Variants in SHANK2 observed in about 807,000 individuals in gnomAD.
The protein encoded by SHANK2 is SH3 and multiple ankyrin repeat domains 2, also known as SH3 and multiple ankyrin repeat domains protein 2.
A neutral mutation model predicts 133.7 loss-of-function variants in SHANK2; 43 were observed. That is an observed-to-expected ratio of 0.32 (90% CI 0.25 to 0.41). The LOEUF (loss-of-function observed/expected upper bound fraction) is 0.41. Ranked by LOEUF, SHANK2 falls within the 10% of genes least tolerant of loss-of-function variation. The probability of loss-of-function intolerance (pLI) is 1.00; values close to 1 mark genes in which losing one functional copy is unlikely to be tolerated. For synonymous variants in SHANK2, 1,017 were observed against 952.8 expected (o/e 1.07, Z -1.24); for missense variants, 1,994 against 2,235.8 (o/e 0.89, Z 2.18).
At chr11:70,723,644 G>A (rs1946114616) in intron 14 of SHANK2, among the ~76,000 whole-genome samples, 1 of 152,116 alleles carries the variant, frequency 6.6e-6, no homozygotes, top group Non-Finnish European at 1.5e-5. Context: ...TGGAGCCACT[G>A]ATTTTATGGT....
chr11:70,625,378 G>T (rs2136481022), intron 17 of SHANK2, among the ~76,000 whole-genome samples: 1 of 152,214 alleles, frequency 6.6e-6, no homozygotes, highest in East Asian at 1.9e-4. Flanking sequence ...TAATCCTTCT[G>T]GTCTCCAGTT....
chr11:71,183,741 T>C (rs1953611382), intron 2 of SHANK2, among the ~76,000 whole-genome samples: 1 of 151,976 alleles, frequency 6.6e-6, no homozygotes. Context: ...CTGGGAAACT[T>C]CAGGGAGGGG....
intron 9 of SHANK2, among the ~76,000 whole-genome samples, chr11:71,061,742 G>A (rs1315927869): frequency 1.3e-5 from 2 of 152,282 alleles, no homozygotes; most frequent in African/African-American, 4.8e-5. Context: ...AGTTTCTGCA[G>A]GTGACCGGCA....
intron 25 of SHANK2, among the ~76,000 whole-genome samples, chr11:70,477,877 G>A (rs1489523792): frequency 6.6e-6 from 1 of 152,116 alleles, no homozygotes; most frequent in African/African-American, 2.4e-5. Context: ...GGATCTTCCC[G>A]GTTGCACAGA....
chr11:71,103,940 T>C (rs897456005), intron 6 of SHANK2, among the ~76,000 whole-genome samples: 26 of 146,808 alleles, frequency 1.8e-4, no homozygotes, highest in Admixed American at 1.1e-3. Context: ...TCTCTCTCTC[T>C]CCCTTGCTTT....
intron 10 of SHANK2, among the ~76,000 whole-genome samples, chr11:70,919,018 A>T (rs1950309661): frequency 6.6e-6 from 1 of 151,946 alleles, no homozygotes; most frequent in Non-Finnish European, 1.5e-5. Context: ...TTAAAAATGT[A>T]CCGGGTGTGG....
intron 11 of SHANK2, among the ~76,000 whole-genome samples, chr11:70,890,230 G>A (rs781864689): frequency 2.6e-5 from 4 of 152,164 alleles, no homozygotes; most frequent in East Asian, 1.9e-4. Context: ...CAGGCTGGGC[G>A]TGGTGGCTCA....
chr11:70,955,036 G>C (rs1330112524), intron 10 of SHANK2, among the ~76,000 whole-genome samples: 1 of 152,222 alleles, frequency 6.6e-6, no homozygotes, highest in Non-Finnish European at 1.5e-5. Flanking sequence ...TCATCAGAAA[G>C]ACATCCACAT....
chr11:71,164,747 C>G (rs1953103961), intron 2 of SHANK2, among the ~76,000 whole-genome samples: 1 of 152,170 alleles, frequency 6.6e-6, no homozygotes, highest in African/African-American at 2.4e-5. Context: ...GGTAAGAACT[C>G]TCGACAGCTT....
At chr11:70,838,107 C>A in intron 11 of SHANK2, among the ~76,000 whole-genome samples, 1 of 152,136 alleles carries the variant, frequency 6.6e-6, no homozygotes, top group Non-Finnish European at 1.5e-5. Context: ...TTTGCCTCAC[C>A]GTGTGAAATG....
intron 10 of SHANK2, among the ~76,000 whole-genome samples, chr11:70,899,615 G>A (rs1351740989): frequency 6.6e-6 from 1 of 152,156 alleles, no homozygotes; most frequent in Non-Finnish European, 1.5e-5. Context: ...CCCAAAAGGG[G>A]GCCATCTCTT....
At chr11:70,589,594 A>G (rs1214840813) in intron 17 of SHANK2, among the ~76,000 whole-genome samples, 2 of 152,016 alleles carry the variant, frequency 1.3e-5, no homozygotes, top group Non-Finnish European at 2.9e-5. Context: ...CAAGCCTCAT[A>G]TTTAAGAAAC....
chr11:71,155,121 G>A (rs547517537), intron 2 of SHANK2, among the ~76,000 whole-genome samples: 5 of 88,504 alleles, frequency 5.6e-5, no homozygotes, highest in Non-Finnish European at 6.9e-5. Flanking sequence ...CGGAGGAGGG[G>A]TGGACCTACC....
chr11:70,753,674 A>G (rs1244612301), intron 14 of SHANK2, among the ~76,000 whole-genome samples: 3 of 152,388 alleles, frequency 2.0e-5, no homozygotes, highest in Middle Eastern at 3.4e-3. Flanking sequence ...CTTTAAACAG[A>G]TAATGAGGGA....
At chr11:70,727,879 A>C (rs1946208423) in intron 14 of SHANK2, among the ~76,000 whole-genome samples, 2 of 152,204 alleles carry the variant, frequency 1.3e-5, no homozygotes, top group Admixed American at 6.5e-5. Context: ...ATTTACATCA[A>C]CAAAAGAAAA....
chr11:70,890,330 C>T (rs1949819428), intron 11 of SHANK2, among the ~76,000 whole-genome samples: 1 of 151,834 alleles, frequency 6.6e-6, no homozygotes. Context: ...ATGGTGAAAC[C>T]CCGTCTCTAC....
intron 14 of SHANK2, among the ~76,000 whole-genome samples, chr11:70,701,826 C>G (rs1195218071): frequency 6.6e-6 from 1 of 152,104 alleles, no homozygotes; most frequent in Admixed American, 6.6e-5. Context: ...GATATGGTCC[C>G]TAAGGGACAG....
chr11:71,193,959 C>T (rs537609593), intron 2 of SHANK2, among the ~76,000 whole-genome samples: 2 of 152,306 alleles, frequency 1.3e-5, no homozygotes, highest in Admixed American at 6.5e-5. Flanking sequence ...AATAAGGTCA[C>T]GTTCTGAGTA....
At chr11:70,838,383 T>C (rs1555060637) in intron 11 of SHANK2, among the ~76,000 whole-genome samples, 2 of 152,228 alleles carry the variant, frequency 1.3e-5, no homozygotes. Context: ...TAATTTCTGA[T>C]TCTATGCTGG....
Sources: allele counts gnomAD v4.1 joint callset (sites outside exome capture counted in the v4.1 genomes callset), GRCh38; gene constraint gnomAD v4.1.1; transcripts MANE v1.5; gene names NCBI Gene and HGNC (gene_info 2026-07-23, HGNC 2026-07-21).